Variants in FTCDNL1 observed in about 807,000 individuals in gnomAD.
FTCDNL1 encodes the protein formiminotransferase N-terminal subdomain-containing protein.
In FTCDNL1, 11 loss-of-function variants were observed where a neutral mutation model predicts 5.9. That is an observed-to-expected ratio of 1.87 (90% CI 1.18 to 3.10). The LOEUF (loss-of-function observed/expected upper bound fraction) is 3.10, where lower values mean the gene tolerates loss of function less well. Among genes scored for constraint, FTCDNL1 ranks in the 30% most tolerant of loss-of-function variants. FTCDNL1 has a pLI of 0.00. For missense variants in FTCDNL1, 115 were observed against 65.5 expected, an observed-to-expected ratio of 1.76 and a Z score of -2.61; for synonymous variants, 58 against 24.8, an observed-to-expected ratio of 2.34 and a Z score of -3.99.
At position 199,834,946 on chromosome 2, in the gene FTCDNL1, G is replaced by T. The variant is rs575543471; in HGVS notation, c.211+11129C>A. Among the ~76,000 whole-genome samples the T allele has an allele frequency of 5.3e-5, 8 of 152,328 alleles. No individual in the cohort carries two copies. In the South Asian group the frequency reaches 1.7e-3, roughly 32 times the overall value. The stretch of plus-strand genomic sequence containing the variant: ...CCCAGAGCTTTAGGAAGCCAAGGCA[G>T]GAGGATCACTTGAGGCCAGGAGTTC... On this transcript the variant is annotated intron_variant, in intron 3 of 4. Transcript: ENST00000420128.
intron 4 of FTCDNL1, among the ~76,000 whole-genome samples, chr2:199,813,375 C>T (rs1270234231): frequency 1.5e-5 from 2 of 134,870 alleles, no homozygotes; most frequent in Non-Finnish European, 3.2e-5. Flanking sequence ...TATATTTTAA[C>T]TCTACAGAAA....
chr2:199,850,945 C>T lies in FTCDNL1; in HGVS notation c.-213G>A, dbSNP rs920899331. The T allele has an allele frequency of 1.2e-4, 19 of 152,316 alleles. No individual in the cohort carries two copies. The highest frequency in any genetic ancestry group is 4.6e-4 in the African/African-American group (19 of 41,574). The allele number at this position is 152,316 out of a possible 1,614,324, so 9.4% of individuals were successfully genotyped here. On this transcript the variant is annotated 5_prime_UTR_variant, in exon 1 of 5. Coordinates refer to ENST00000420128, the MANE Select transcript of FTCDNL1 (RefSeq NM_001363886.2). ...GCCTCCCCACAGGTCTCGCGGGACG[C>T]AGCAGCGGCGAGGGCGCGGGGTTGT... is the stretch of plus-strand genomic sequence containing the variant.
At chr2:199,757,982 T>A (rs1020409666), downstream of FTCDNL1, among the ~76,000 whole-genome samples, 10 of 152,166 alleles carry the variant, frequency 6.6e-5, no homozygotes, top group Non-Finnish European at 5.9e-5. Context: ...CAGTGGAATA[T>A]CCTTGGCTAA....
Position 199,811,143 on chromosome 2 carries a change from A to G in FTCDNL1, c.*1562T>C, listed in dbSNP as rs995089270. On this transcript the variant is annotated 3_prime_UTR_variant, in exon 5 of 5. Transcript: ENST00000420128. Reference sequence around the variant, plus strand: ...TATTTCCCCATAATGCTGATTTCATAAAAATTAAATTTCCTAACAGTCAAT... The same window carrying G: ...TATTTCCCCATAATGCTGATTTCATGAAAATTAAATTTCCTAACAGTCAAT... 2.0e-5 allele frequency among the ~76,000 whole-genome samples: 3 copies of G among 152,254 alleles called. No individual in the cohort carries two copies. Among genetic ancestry groups the G allele is most frequent in the Admixed American group, 1.3e-4 (2 of 15,282 alleles).
the FTCDNL1 span, among the ~76,000 whole-genome samples, chr2:199,729,014 G>A: frequency 6.6e-6 from 1 of 152,150 alleles, no homozygotes; most frequent in South Asian, 2.1e-4. Context: ...CAAAAATATG[G>A]GTCGACTATA....
At chr2:199,670,940 T>A in the FTCDNL1 span, among the ~76,000 whole-genome samples, 4 of 152,098 alleles carry the variant, frequency 2.6e-5, no homozygotes, top group African/African-American at 9.7e-5. Context: ...CTAAATAACC[T>A]AAGTTTTACT....
chr2:199,691,595 A>C, the FTCDNL1 span, among the ~76,000 whole-genome samples: 1 of 152,240 alleles, frequency 6.6e-6, no homozygotes, highest in Admixed American at 6.5e-5. Flanking sequence ...ACTGGAAATA[A>C]AAATTGCTTG....
At chr2:199,666,868 G>A in the FTCDNL1 span, among the ~76,000 whole-genome samples, 16 of 149,626 alleles carry the variant, frequency 1.1e-4, no homozygotes, top group South Asian at 6.4e-4. Flanking sequence ...TGGAGATTGC[G>A]CCACTGCACT....
chr2:199,748,211 T>C, the FTCDNL1 span, among the ~76,000 whole-genome samples: 4 of 152,244 alleles, frequency 2.6e-5, no homozygotes, highest in Non-Finnish European at 5.9e-5. Context: ...TCATTCGTCC[T>C]GTCCTGCACA....
chr2:199,666,616 C>T, the FTCDNL1 span, among the ~76,000 whole-genome samples: 1 of 152,086 alleles, frequency 6.6e-6, no homozygotes, highest in East Asian at 1.9e-4. Flanking sequence ...TGGCAATAAC[C>T]TTAATGATGT....
chr2:199,678,423 T>C, the FTCDNL1 span, among the ~76,000 whole-genome samples: 1 of 152,140 alleles, frequency 6.6e-6, no homozygotes, highest in African/African-American at 2.4e-5. Context: ...AAACTTGAAA[T>C]GCAGTTGTTA....
rs1384213124 is a variant in FTCDNL1, at chr2:199,809,858, A to G, written c.*2847T>C. 6.6e-6 allele frequency among the ~76,000 whole-genome samples: 1 copy of G among 151,322 alleles called. No homozygotes were observed. Among genetic ancestry groups the G allele is most frequent in the African/African-American group, 2.4e-5 (1 of 41,116 alleles). On this transcript the variant is annotated 3_prime_UTR_variant, in exon 5 of 5. Transcript: ENST00000420128. ...ACAATCATGCTTTGAAAGAGAGATT[A>G]TATTTTGTAACCCTCTCATTTTTTA...
the FTCDNL1 span, among the ~76,000 whole-genome samples, chr2:199,754,504 A>G: frequency 6.6e-6 from 1 of 152,208 alleles, no homozygotes; most frequent in Non-Finnish European, 1.5e-5. Context: ...GGAGGCCACC[A>G]CACCAGACCA....
chr2:199,739,962 G>A, the FTCDNL1 span, among the ~76,000 whole-genome samples: 126 of 152,200 alleles, frequency 8.3e-4, no homozygotes, highest in Middle Eastern at 3.4e-3. Flanking sequence ...CTGGGAGCCG[G>A]GCCTGCCAGG....
intron 3 of FTCDNL1, among the ~76,000 whole-genome samples, chr2:199,766,436 T>G (rs977724979): frequency 6.6e-6 from 1 of 152,222 alleles, no homozygotes; most frequent in African/African-American, 2.4e-5. Flanking sequence ...TCCCTTAAGC[T>G]ATGGCAGATT....
chr2:199,768,854 A>G (rs1323296651), intron 3 of FTCDNL1, among the ~76,000 whole-genome samples: 1 of 152,126 alleles, frequency 6.6e-6, no homozygotes, highest in Non-Finnish European at 1.5e-5. Flanking sequence ...GAATGAGAAG[A>G]GAGGAGCTAT....
At chr2:199,691,948 T>A in the FTCDNL1 span, among the ~76,000 whole-genome samples, 1 of 152,302 alleles carries the variant, frequency 6.6e-6, no homozygotes, top group African/African-American at 2.4e-5. Context: ...CTCAAAAAAA[T>A]TCTCAACTCA....
chr2:199,839,574 A>G (rs2076527387), intron 3 of FTCDNL1, among the ~76,000 whole-genome samples: 1 of 152,236 alleles, frequency 6.6e-6, no homozygotes, highest in Admixed American at 6.5e-5. Context: ...CAAAGTTTCA[A>G]AGAATAAAAG....
intron 3 of FTCDNL1, among the ~76,000 whole-genome samples, chr2:199,793,905 C>T (rs183428271): frequency 2.6e-5 from 4 of 152,140 alleles, no homozygotes; most frequent in African/African-American, 4.8e-5. Context: ...TTTTTTTCTC[C>T]GCAAGGTTAG....
Sources: gnomAD v4.1 joint callset for allele counts (sites outside exome capture counted in the v4.1 genomes callset) on GRCh38, gnomAD v4.1.1 for gene constraint, MANE v1.5 for transcripts, NCBI Gene and HGNC (gene_info 2026-07-23, HGNC 2026-07-21) for gene names.